Variants in ERCC6 observed in about 807,000 individuals in gnomAD.
ERCC6 encodes the protein DNA excision repair protein ERCC-6.
In ERCC6, 116 loss-of-function variants were observed where a neutral mutation model predicts 158.7. That is an observed-to-expected ratio of 0.73 (90% CI 0.63 to 0.85). The LOEUF is 0.85. Ranked by LOEUF, ERCC6 falls within the 40% of genes least tolerant of loss-of-function variation. ERCC6 has a pLI of 0.00. For missense variants in ERCC6, 1,698 were observed against 1,799.4 expected, an observed-to-expected ratio of 0.94 and a Z score of 1.02; for synonymous variants, 678 against 659.3, an observed-to-expected ratio of 1.03 and a Z score of -0.43.
At chr10:49,534,071 T>A (rs777672154) in intron 1 of ERCC6, among the ~76,000 whole-genome samples, 5 of 139,778 alleles carry the variant, frequency 3.6e-5, no homozygotes, top group African/African-American at 1.3e-4. Context: ...GAGGCGGAGG[T>A]TGCAGTGAGA....
downstream of ERCC6, among the ~76,000 whole-genome samples, chr10:49,453,513 C>T (rs555064292): frequency 6.6e-6 from 1 of 152,268 alleles, no homozygotes. Flanking sequence ...TAGACCAATA[C>T]ATCATATACG....
At chr10:49,441,932 C>G in the ERCC6 span, among the ~76,000 whole-genome samples, 1 of 152,222 alleles carries the variant, frequency 6.6e-6, no homozygotes, top group African/African-American at 2.4e-5. Flanking sequence ...AGCAAAACTT[C>G]GTCCTGTGAG....
chr10:49,471,199 G>A, intron 16 of ERCC6, 79 bp from the exon 17 acceptor site: 3 of 1,437,266 alleles, frequency 2.1e-6, no homozygotes, highest in Non-Finnish European at 2.9e-6. Context: ...CAATATAAGA[G>A]AGAGATGATA....
At chr10:49,485,661 G>A (rs1286562764) in intron 8 of ERCC6, among the ~76,000 whole-genome samples, 2 of 152,162 alleles carry the variant, frequency 1.3e-5, no homozygotes, top group African/African-American at 4.8e-5. Context: ...TTAACTATGT[G>A]AGAAAAATAT....
At chr10:49,525,495 T>G (rs1263613457) in intron 4 of ERCC6, among the ~76,000 whole-genome samples, 1 of 152,154 alleles carries the variant, frequency 6.6e-6, no homozygotes, top group Non-Finnish European at 1.5e-5. Context: ...CATTACACCA[T>G]AAGTGTAAAG....
chr10:49,504,894 A>G (rs1049377043), intron 6 of ERCC6: 5 of 152,080 alleles, frequency 3.3e-5, no homozygotes, highest in African/African-American at 1.2e-4. Context: ...ACTCTCCCCT[A>G]CCCCAATGGA....
At chr10:49,472,842 C>A in intron 15 of ERCC6, 67 bp downstream of exon 15, 1 of 1,577,882 alleles carries the variant, frequency 6.3e-7, no homozygotes, top group Non-Finnish European at 8.6e-7. Flanking sequence ...AAAGGACAGT[C>A]AAAAGCGCTA....
In ERCC6 at chr10:49,480,942, C is replaced by T. The variant is rs4253175; in HGVS notation, c.2169+1745G>A. Among the ~76,000 whole-genome samples the T allele has an allele frequency of 3.6e-3, 549 of 152,282 alleles. 2 individuals carry two copies. Among genetic ancestry groups the T allele is most frequent in the Non-Finnish European group, 6.5e-3 (440 of 68,022 alleles). On this transcript the variant is annotated intron_variant, in intron 10 of 20. Coordinates refer to ENST00000355832, the MANE Select transcript of ERCC6 (RefSeq NM_000124.4). ...CCCAGATTAAAGGAGACTAGAGACA[C>T]GGAAACTACTGGAACTGACAAAATA...
chr10:49,460,203 C>A, intron 20 of ERCC6, 170 bp downstream of exon 20: 1 of 660,610 alleles, frequency 1.5e-6, no homozygotes, highest in Non-Finnish European at 2.7e-6. Context: ...ATCAGCAGGT[C>A]CTTTTAGATT....
chr10:49,516,815 T>C (rs764700976), intron 5 of ERCC6: 3 of 1,614,124 alleles, frequency 1.9e-6, no homozygotes, highest in Non-Finnish European at 1.7e-6. Flanking sequence ...TCCTTGATGG[T>C]GGAGGTTGCT....
chr10:49,490,731 A>G (rs1317071301), intron 8 of ERCC6, among the ~76,000 whole-genome samples: 2 of 152,192 alleles, frequency 1.3e-5, no homozygotes, highest in Admixed American at 6.5e-5. Flanking sequence ...GATAAACAAA[A>G]CAATTCTGGC....
At chr10:49,470,120 A>T in intron 18 of ERCC6, 62 bp downstream of exon 18, 1 of 1,466,444 alleles carries the variant, frequency 6.8e-7, no homozygotes, top group Non-Finnish European at 9.6e-7. Context: ...TGCTACTGCT[A>T]GAAACAGCCT....
Position 49,482,692 on chromosome 10 carries a change from C to T in ERCC6, c.2164G>A (p.Val722Ile), listed in dbSNP as rs531091147. 2.5e-6 allele frequency: 4 copies of T among 1,613,568 alleles called. No homozygotes were observed. The highest frequency in any genetic ancestry group is 2.2e-5 in the South Asian group (2 of 91,054). ...TMGGYSNASP[V>I]QVKTAYKCAC... ...TTATCATCCTAATATTTTACCTGTACTGGGGAAGCATTTGAATATCCCCCC... is the reference window on the plus strand; with the variant it reads ...TTATCATCCTAATATTTTACCTGTATTGGGGAAGCATTTGAATATCCCCCC... Residue 722 changes from valine to isoleucine, a missense_variant, in exon 10 of 21, where the codon GTA (valine) becomes ATA (isoleucine). Val to Ile is a conservative substitution (Grantham distance 29). Coordinates refer to ENST00000355832, the MANE Select transcript of ERCC6 (RefSeq NM_000124.4).
rs1410726081 is a variant in ERCC6, at chr10:49,455,228, A to G, written c.*3587T>C. 6.6e-6 allele frequency: 1 copy of G among 152,190 alleles called. No homozygotes were observed. Among genetic ancestry groups the G allele is most frequent in the Non-Finnish European group, 1.5e-5 (1 of 68,038 alleles). 9.4% of individuals were successfully genotyped at this position (152,190 alleles called of 1,614,324 possible). On this transcript the variant is annotated 3_prime_UTR_variant, in exon 21 of 21. Coordinates refer to ENST00000355832, the MANE Select transcript of ERCC6 (RefSeq NM_000124.4). Reference sequence around the variant, plus strand: ...TGAAATGTGCAAGACATTTATGAAGAAAGTTATTAAAATTTCATCCAAGAA... The same window carrying G: ...TGAAATGTGCAAGACATTTATGAAGGAAGTTATTAAAATTTCATCCAAGAA...
chr10:49,485,170 C>T (rs539943619), intron 8 of ERCC6, among the ~76,000 whole-genome samples: 19 of 152,324 alleles, frequency 1.2e-4, no homozygotes, highest in Non-Finnish European at 2.6e-4. Flanking sequence ...ACAGACCATG[C>T]TCACAGCAGC....
rs770450629 is a variant in ERCC6 at position 49,530,725 on chromosome 10, T to G, written c.538A>C (p.Asn180His). The G allele has an allele frequency of 6.2e-7, 1 of 1,613,440 alleles. No individual in the cohort carries two copies. The highest frequency in any genetic ancestry group is 1.1e-5 in the South Asian group (1 of 91,042). The stretch of plus-strand genomic sequence containing the variant: ...TGAATGTTATTCTGAATCACCTTAT[T>G]ATACTTCTGTCGTTTTACAGAATCT... Reference protein sequence around the residue: ...KLDSVKRQKYNKEQQLKKITA... With the variant: ...KLDSVKRQKYHKEQQLKKITA... The change falls in exon 3 of 21, where the codon AAT (asparagine) becomes CAT (histidine). Residue 180 changes from asparagine (N) to histidine (H), a missense_variant. Physicochemically the swap from Asn to His is moderately conservative, Grantham distance 68 (BLOSUM62 1). Coordinates refer to ENST00000355832, the MANE Select transcript of ERCC6 (RefSeq NM_000124.4).
At chr10:49,491,443 T>C (rs1851171258) in intron 8 of ERCC6, among the ~76,000 whole-genome samples, 1 of 152,202 alleles carries the variant, frequency 6.6e-6, no homozygotes, top group Non-Finnish European at 1.5e-5. Context: ...TTAGAGTCCT[T>C]GGTAAACTGT....
intron 7 of ERCC6, among the ~76,000 whole-genome samples, chr10:49,500,269 G>C (rs182468745): frequency 6.6e-6 from 1 of 152,034 alleles, no homozygotes; most frequent in South Asian, 2.1e-4. Context: ...CTTAGACATC[G>C]TATTGACCCA....
intron 3 of ERCC6, among the ~76,000 whole-genome samples, chr10:49,528,870 C>T (rs750977355): frequency 1.3e-5 from 2 of 152,116 alleles, no homozygotes; most frequent in African/African-American, 2.4e-5. Context: ...ACACACTGGG[C>T]AAATCCCTAA....
Sources: gnomAD v4.1 joint callset for allele counts (sites outside exome capture counted in the v4.1 genomes callset) on GRCh38, gnomAD v4.1.1 for gene constraint, MANE v1.5 for transcripts, NCBI Gene and HGNC (gene_info 2026-07-23, HGNC 2026-07-21) for gene names.